Variants in GALK2 observed in about 807,000 individuals in gnomAD.
GALK2 encodes galactokinase 2, also known as N-acetylgalactosamine kinase.
A neutral mutation model predicts 52.4 loss-of-function variants in GALK2; 36 were observed. The observed-to-expected ratio is 0.69, with a 90% confidence interval of 0.53 to 0.91. The LOEUF (loss-of-function observed/expected upper bound fraction) is 0.91, where lower values mean the gene tolerates loss of function less well. GALK2 is among the 40% of genes least tolerant of loss of function. GALK2 has a pLI of 0.00. For missense variants in GALK2, 579 were observed against 559.1 expected (o/e 1.04, Z -0.36); for synonymous variants, 176 against 199.1 (o/e 0.88, Z 0.98).
chr15:49,237,675 C>G lies in GALK2; in HGVS notation c.358-1546C>G, dbSNP rs950646142. Among the ~76,000 whole-genome samples, 7 of 151,968 alleles carry G rather than the reference C, an allele frequency of 4.6e-5. No individual in the cohort carries two copies. The South Asian group carries it at 1.5e-3, about 32-fold the overall frequency. On this transcript the variant is annotated intron_variant, in intron 4 of 9. Transcript: ENST00000560031. The stretch of plus-strand genomic sequence containing the variant: ...TATTTTTAGTAGAGACGGGGTTTCA[C>G]TATATTGGCCAGGCTGGTCTTGAAC...
chr15:49,155,892 TA>T, exon 1 of GALK2: 3 of 1,291,368 alleles, frequency 2.3e-6, no homozygotes, highest in Non-Finnish European at 2.2e-6. Context: ...GCCTCCTGGG[TA>T]AAGGAGCAGT....
chr15:49,327,817 A>ATGTT (rs1260080465), intron 9 of GALK2, 135 bp from the exon 10 acceptor site: 2 of 733,110 alleles, frequency 2.7e-6, no homozygotes, highest in Admixed American at 6.1e-5. Flanking sequence ...ATGTCCTAAA[A>ATGTT]TGTTTGATGA....
At chr15:49,363,287 C>A (rs768935620) in intron 3 of GALK2, among the ~76,000 whole-genome samples, 5 of 152,112 alleles carry the variant, frequency 3.3e-5, no homozygotes, top group African/African-American at 4.8e-5. Context: ...TTTGTGTCAT[C>A]TCTGATTTCT....
chr15:49,276,923 G>GTTTTTTTTTTTTTTTTTTTTT (rs2031770468), intron 5 of GALK2, among the ~76,000 whole-genome samples: 1 of 52,038 alleles, frequency 1.9e-5, no homozygotes, highest in African/African-American at 7.1e-5. Context: ...TTTTTTTTTT[G>GTTTTTTTTTTTTTTTTTTTTT]GTTTTTGTTT....
At chr15:49,215,245 A>G (rs2089278571) in intron 2 of GALK2, among the ~76,000 whole-genome samples, 1 of 152,090 alleles carries the variant, frequency 6.6e-6, no homozygotes. Flanking sequence ...TGATCTTCTT[A>G]TACCTTAATA....
At chr15:49,221,223 G>A (rs933534888) in intron 3 of GALK2, among the ~76,000 whole-genome samples, 6 of 152,090 alleles carry the variant, frequency 3.9e-5, no homozygotes, top group African/African-American at 1.4e-4. Context: ...TTATGTTTAA[G>A]TCTTTAACCT....
intron 8 of GALK2, among the ~76,000 whole-genome samples, chr15:49,294,073 G>T: frequency 6.8e-6 from 1 of 146,596 alleles, no homozygotes; most frequent in Admixed American, 6.9e-5. Context: ...GCACTCCAGG[G>T]GGAGACCCTG....
intron 5 of GALK2, among the ~76,000 whole-genome samples, chr15:49,271,441 T>C (rs2030590920): frequency 6.6e-6 from 1 of 152,166 alleles, no homozygotes; most frequent in African/African-American, 2.4e-5. Flanking sequence ...GAGAGATAAG[T>C]ATGCAGGGAA....
At chr15:49,323,259 C>A (rs2151092727) in intron 9 of GALK2, among the ~76,000 whole-genome samples, 1 of 152,222 alleles carries the variant, frequency 6.6e-6, no homozygotes, top group Middle Eastern at 3.4e-3. Flanking sequence ...GCCACTGGTG[C>A]CACAGACACA....
At chr15:49,353,616 T>C (rs1187108596) in intron 3 of GALK2, 7 of 143,610 alleles carry the variant, frequency 4.9e-5, no homozygotes, top group African/African-American at 1.6e-4. Flanking sequence ...AAATAAGGGT[T>C]TTTTTTTTTT....
At chr15:49,298,777 T>C (rs947158799) in intron 8 of GALK2, among the ~76,000 whole-genome samples, 1 of 152,178 alleles carries the variant, frequency 6.6e-6, no homozygotes, top group Non-Finnish European at 1.5e-5. Flanking sequence ...AGTGGTGGAC[T>C]AGCTTTGTGA....
At chr15:49,292,223 C>T in intron 7 of GALK2, 104 bp from the exon 8 acceptor site, 1 of 1,049,646 alleles carries the variant, frequency 9.5e-7, no homozygotes, top group Non-Finnish European at 1.4e-6. Flanking sequence ...GAAAGGAAAA[C>T]AACAACAAAA....
intron 9 of GALK2, among the ~76,000 whole-genome samples, chr15:49,325,234 G>A (rs775810720): frequency 1.3e-5 from 2 of 152,102 alleles, no homozygotes; most frequent in Admixed American, 1.3e-4. Context: ...CTTTGCCATC[G>A]TGCTTTATAA....
chr15:49,168,958 G>A (rs1271780307), upstream of GALK2: 1 of 153,852 alleles, frequency 6.5e-6, no homozygotes, highest in African/African-American at 2.4e-5. Context: ...ATAATAGTGA[G>A]AAAGCTGCCC....
chr15:49,335,480 A>G, downstream of GALK2: 1 of 1,613,288 alleles, frequency 6.2e-7, no homozygotes, highest in Non-Finnish European at 8.5e-7. Context: ...ACATCACGGT[A>G]TGTTGGAGCA....
chr15:49,256,834 T>A (rs1259251907), intron 5 of GALK2, among the ~76,000 whole-genome samples: 1 of 152,176 alleles, frequency 6.6e-6, no homozygotes, highest in African/African-American at 2.4e-5. Context: ...TTTAAATGTT[T>A]GGATCCCCAT....
chr15:49,269,037 T>A (rs2029933380), intron 5 of GALK2, among the ~76,000 whole-genome samples: 1 of 152,222 alleles, frequency 6.6e-6, no homozygotes, highest in Admixed American at 6.5e-5. Flanking sequence ...GGAGTAACTA[T>A]ATGTAGGTAC....
chr15:49,323,947 A>G (rs929700494), intron 9 of GALK2, among the ~76,000 whole-genome samples: 1 of 152,266 alleles, frequency 6.6e-6, no homozygotes, highest in Non-Finnish European at 1.5e-5. Context: ...GCTGAATTAT[A>G]AAGTATCTTT....
At chr15:49,275,680 A>G (rs1417103335) in intron 5 of GALK2, among the ~76,000 whole-genome samples, 1 of 152,230 alleles carries the variant, frequency 6.6e-6, no homozygotes, top group Non-Finnish European at 1.5e-5. Flanking sequence ...CTGCTAAACA[A>G]AAACAGGTCA....
Sources: gnomAD v4.1 joint callset for allele counts (sites outside exome capture counted in the v4.1 genomes callset) on GRCh38, gnomAD v4.1.1 for gene constraint, MANE v1.5 for transcripts, NCBI Gene and HGNC (gene_info 2026-07-23, HGNC 2026-07-21) for gene names.